The following TTLL7 variants were observed in gnomAD, a reference collection of about 807,000 sequenced individuals.
TTLL7 encodes tubulin tyrosine ligase like 7.
TTLL7 carries 53 observed loss-of-function variants against 120.2 expected under a neutral mutation model. That is an observed-to-expected ratio of 0.44 (90% confidence interval 0.35 to 0.55). The LOEUF is 0.55. Among genes scored for constraint, TTLL7 ranks in the 20% least tolerant of loss-of-function variants. The probability of loss-of-function intolerance (pLI) is 0.00; values close to 1 mark genes in which losing one functional copy is unlikely to be tolerated. For missense variants in TTLL7, 803 were observed against 1,054.7 expected (o/e 0.76, Z 3.31); for synonymous variants, 353 against 351.7 (o/e 1.00, Z -0.04).
chr1:83,977,362 C>G (rs543468859), intron 1 of TTLL7, among the ~76,000 whole-genome samples: 5 of 152,030 alleles, frequency 3.3e-5, no homozygotes, highest in Admixed American at 3.3e-4. Context: ...CCAGGTGAAA[C>G]AATTCAGCCA....
At chr1:83,872,109 C>T (rs1363655802) in intron 20 of TTLL7, among the ~76,000 whole-genome samples, 1 of 152,060 alleles carries the variant, frequency 6.6e-6, no homozygotes, top group Non-Finnish European at 1.5e-5. Context: ...AAACTATACG[C>T]AGCATTCAGA....
chr1:83,972,633 A>G (rs1170463778), intron 1 of TTLL7, among the ~76,000 whole-genome samples: 1 of 152,110 alleles, frequency 6.6e-6, no homozygotes, highest in Non-Finnish European at 1.5e-5. Context: ...GCTGGATCAC[A>G]TGGTATGAAC....
At chr1:83,956,719 T>C (rs1649559317) in intron 1 of TTLL7, among the ~76,000 whole-genome samples, 1 of 152,178 alleles carries the variant, frequency 6.6e-6, no homozygotes, top group Admixed American at 6.5e-5. Flanking sequence ...CGTGAGCCAC[T>C]GTGCCCAGCC....
intron 6 of TTLL7, among the ~76,000 whole-genome samples, chr1:83,942,941 T>G (rs1054895509): frequency 3.3e-5 from 5 of 152,172 alleles, no homozygotes; most frequent in African/African-American, 9.7e-5. Flanking sequence ...ACATTTTAAG[T>G]TAATCTAGTC....
intron 12 of TTLL7, chr1:83,920,428 C>T (rs1484200500): frequency 6.6e-6 from 1 of 152,470 alleles, no homozygotes; most frequent in Non-Finnish European, 1.5e-5. Flanking sequence ...TGGAATTTGC[C>T]TCTCTAGTAG....
intron 10 of TTLL7, among the ~76,000 whole-genome samples, chr1:83,922,203 G>GAAAC (rs550673160): frequency 2.0e-5 from 3 of 152,080 alleles, no homozygotes; most frequent in East Asian, 3.9e-4. Flanking sequence ...ACCTTTAGAA[G>GAAAC]AAACAAACAA....
intron 1 of TTLL7, among the ~76,000 whole-genome samples, chr1:83,977,615 G>A (rs1651612537): frequency 6.6e-6 from 1 of 152,134 alleles, no homozygotes; most frequent in African/African-American, 2.4e-5. Context: ...GAGACAGGCT[G>A]CAGCATCCAC....
chr1:83,989,311 T>A (rs1571406493), intron 1 of TTLL7, among the ~76,000 whole-genome samples: 2 of 152,334 alleles, frequency 1.3e-5, no homozygotes, highest in South Asian at 4.1e-4. Flanking sequence ...GTTTGAGGAC[T>A]TATATTTAAA....
chr1:83,897,626 G>A (rs1022862430), intron 18 of TTLL7, among the ~76,000 whole-genome samples: 5 of 151,978 alleles, frequency 3.3e-5, no homozygotes, highest in Non-Finnish European at 7.4e-5. Flanking sequence ...ATGAAGCATG[G>A]CTGGGATACG....
chr1:83,979,272 G>A (rs1382531732), intron 1 of TTLL7: 1 of 152,230 alleles, frequency 6.6e-6, no homozygotes, highest in Admixed American at 6.5e-5. Context: ...ACTGACTGGG[G>A]ATGAAATCAT....
At chr1:83,959,814 T>C (rs1032287810) in intron 1 of TTLL7, among the ~76,000 whole-genome samples, 4 of 152,128 alleles carry the variant, frequency 2.6e-5, no homozygotes, top group African/African-American at 9.7e-5. Flanking sequence ...ATGAAAATAC[T>C]ATACATCAGT....
chr1:83,933,984 A>G (rs899593556), intron 8 of TTLL7, among the ~76,000 whole-genome samples: 2 of 152,002 alleles, frequency 1.3e-5, no homozygotes. Flanking sequence ...ACTTCTTCCT[A>G]TCTTAAGTCC....
chr1:83,990,125 C>T (rs1345541072), intron 1 of TTLL7, among the ~76,000 whole-genome samples: 6 of 148,568 alleles, frequency 4.0e-5, no homozygotes, highest in Admixed American at 2.7e-4. Flanking sequence ...GGTATTGGAT[C>T]GTATCAATAA....
intron 14 of TTLL7, among the ~76,000 whole-genome samples, chr1:83,916,942 T>G (rs1221126081): frequency 6.6e-6 from 1 of 151,458 alleles, no homozygotes; most frequent in Non-Finnish European, 1.5e-5. Flanking sequence ...AAAGAAGAAT[T>G]TTTTTTTAAT....
intron 20 of TTLL7, among the ~76,000 whole-genome samples, chr1:83,870,593 T>C (rs912102947): frequency 6.6e-6 from 1 of 152,170 alleles, no homozygotes; most frequent in Non-Finnish European, 1.5e-5. Context: ...TCTTTGACCA[T>C]AGAGTGCTCA....
At chr1:83,906,935 T>A (rs1657244266) in intron 16 of TTLL7, among the ~76,000 whole-genome samples, 1 of 152,104 alleles carries the variant, frequency 6.6e-6, no homozygotes, top group Non-Finnish European at 1.5e-5. Context: ...GTAAGCCTTC[T>A]TACAAACTAA....
At chr1:83,914,555 C>A (rs1054024884) in intron 14 of TTLL7, among the ~76,000 whole-genome samples, 36 of 152,180 alleles carry the variant, frequency 2.4e-4, no homozygotes, top group Non-Finnish European at 4.7e-4. Context: ...TTGTCTCAAT[C>A]TCTTGACCTC....
chr1:83,958,313 T>C (rs1430512046), intron 1 of TTLL7, among the ~76,000 whole-genome samples: 1 of 152,140 alleles, frequency 6.6e-6, no homozygotes, highest in African/African-American at 2.4e-5. Flanking sequence ...AAGATAATCT[T>C]CTCCAGATCC....
At chr1:83,925,297 A>C (rs1659020993) in intron 10 of TTLL7, among the ~76,000 whole-genome samples, 3 of 152,198 alleles carry the variant, frequency 2.0e-5, no homozygotes, top group South Asian at 4.1e-4. Flanking sequence ...TACTTTTCTA[A>C]GCCTCTTTCT....
Sources: gnomAD v4.1 joint callset for allele counts (sites outside exome capture counted in the v4.1 genomes callset) on GRCh38, gnomAD v4.1.1 for gene constraint, MANE v1.5 for transcripts, NCBI Gene and HGNC (gene_info 2026-07-23, HGNC 2026-07-21) for gene names.